The following BTF3 variants were observed in gnomAD, a reference collection of about 807,000 sequenced individuals.
BTF3 encodes transcription factor BTF3.
Under a neutral mutation model 23.9 loss-of-function variants are expected in BTF3, and 12 were observed. The observed-to-expected ratio is 0.50, with a 90% CI of 0.32 to 0.81. The LOEUF is 0.81. Among genes scored for constraint, BTF3 ranks in the 40% least tolerant of loss-of-function variants. The probability of loss-of-function intolerance (pLI) is 0.03; values close to 1 mark genes in which losing one functional copy is unlikely to be tolerated. For synonymous variants in BTF3, 96 were observed against 94.8 expected (o/e 1.01, Z -0.07); for missense variants, 215 against 255.9 (o/e 0.84, Z 1.09).
chr5:73,503,543 G>A (rs78914614), intron 4 of BTF3, among the ~76,000 whole-genome samples: 2,315 of 152,270 alleles, frequency 0.015, 46 homozygotes, highest in African/African-American at 0.051. Context: ...TAATTACAGT[G>A]TGATAGGGAT....
chr5:73,498,832 G>C, intron 1 of BTF3, 33 bp downstream of exon 1: 1 of 1,502,736 alleles, frequency 6.7e-7, no homozygotes, highest in African/African-American at 1.4e-5. Flanking sequence ...TGGCCGGGCC[G>C]GGCAGGCCCT....
chr5:73,503,523 C>G (rs1260694909), intron 4 of BTF3, among the ~76,000 whole-genome samples: 1 of 152,116 alleles, frequency 6.6e-6, no homozygotes, highest in East Asian at 1.9e-4. Flanking sequence ...TGCCAGTATT[C>G]TGGCATTTTT....
chr5:73,504,267 C>CTTTTTTTTTTTTTTTTTTTTTTTTTT lies in BTF3; in HGVS notation c.518-55_518-54insTTTTTTTTTTTTTTTTTTTTTTTTTT, dbSNP rs34051700. 5.6e-5 allele frequency: 7 copies of CTTTTTTTTTTTTTTTTTTTTTTTTTT among 125,372 alleles called. 2 individuals carry two copies. Among genetic ancestry groups the CTTTTTTTTTTTTTTTTTTTTTTTTTT allele is most frequent in the South Asian group, 2.2e-4 (2 of 9,042 alleles). The allele number at this position is 125,372 out of a possible 1,614,324, so 7.8% of individuals were successfully genotyped here. ...AACAACACTTGGCATTTCATCTGTT[C>CTTTTTTTTTTTTTTTTTTTTTTTTTT]TTTTTTTTTTTTTTTTTTTTTTTTT... is the stretch of plus-strand genomic sequence containing the variant. On this transcript the variant is annotated intron_variant, in intron 4 of 5. Coordinates refer to ENST00000380591, the MANE Select transcript of BTF3 (RefSeq NM_001037637.2).
chr5:73,502,461 TTTC>T, intron 2 of BTF3, 24 bp from the exon 3 acceptor site: 1 of 1,529,700 alleles, frequency 6.5e-7, no homozygotes, highest in Non-Finnish European at 8.9e-7. Flanking sequence ...AATGTGCTGT[TTTC>T]TTTCCTCTTC....
intron 2 of BTF3, 28 bp downstream of exon 2, chr5:73,499,230 G>GT (rs35216563): frequency 0.12 from 166,972 of 1,343,776 alleles, 9,284 homozygotes; most frequent in East Asian, 0.47. Context: ...GGGTTTGTGG[G>GT]TTTTTTTTTT....
intron 2 of BTF3, among the ~76,000 whole-genome samples, chr5:73,501,895 C>T (rs113815776): frequency 0.037 from 5,605 of 152,170 alleles, 138 homozygotes; most frequent in Middle Eastern, 0.12. Context: ...GGGTCAGGCG[C>T]GGTGGCTCAC....
chr5:73,498,683 G>GCA lies in BTF3; in HGVS notation c.18_19dup (p.Pro7HisfsTer40). 6.7e-7 allele frequency: 1 copy of GCA among 1,500,314 alleles called. No individual in the cohort carries two copies. The highest frequency in any genetic ancestry group is 8.8e-7 in the Non-Finnish European group (1 of 1,133,178). The allele number at this position is 1,500,314 out of a possible 1,614,324, so 92.9% of individuals were successfully genotyped here. The stretch of plus-strand genomic sequence containing the variant: ...GAGGAAGGCGATGCGACGGACAGGC[G>GCA]CACCCGCTCAGGCTGACTCTCGGGG... On this transcript the variant is annotated frameshift_variant, in exon 1 of 6. Coordinates refer to ENST00000380591, the MANE Select transcript of BTF3 (RefSeq NM_001037637.2). LOFTEE classifies it high-confidence loss of function.
intron 4 of BTF3, among the ~76,000 whole-genome samples, 173 bp from the exon 5 acceptor site, chr5:73,504,174 A>G (rs1746501792): frequency 6.6e-6 from 1 of 151,546 alleles, no homozygotes; most frequent in South Asian, 2.1e-4. Context: ...TGTAGACATT[A>G]GAATATCATG....
At position 73,503,056 on chromosome 5, in the gene BTF3, C is replaced by T; in HGVS notation, c.456C>T (p.Asn152=). Residue 152 remains asparagine (N), a synonymous_variant, in exon 4 of 6, where the codon AAC becomes AAT. Transcript: ENST00000380591. ...CAGAAATGCTACCCAGCATCTTAAACCAGCTTGGTGCGGATAGTCTGACTA... is the reference window on the plus strand; with the variant it reads ...CAGAAATGCTACCCAGCATCTTAAATCAGCTTGGTGCGGATAGTCTGACTA... ...QLTEMLPSIL[N]QLGADSLTSL... 1 of 1,614,050 alleles carries T rather than the reference C, an allele frequency of 6.2e-7. No homozygotes were observed. The highest frequency in any genetic ancestry group is 8.5e-7 in the Non-Finnish European group (1 of 1,179,960).
In BTF3 at chr5:73,502,469, C is replaced by T. The variant is rs374512117; in HGVS notation, c.202-19C>T. 1.9e-6 allele frequency: 3 copies of T among 1,555,364 alleles called. No homozygotes were observed. Among genetic ancestry groups the T allele is most frequent in the East Asian group, 2.2e-5 (1 of 44,482 alleles). ...TGGTATAAATGTGCTGTTTTCTTTC[C>T]TCTTCTCCCTGACTTTAGGGAACTG... On this transcript the variant is annotated intron_variant, in intron 2 of 5. Transcript: ENST00000380591.
chr5:73,498,743 G>A lies in BTF3; in HGVS notation c.76G>A (p.Glu26Lys). The A allele has an allele frequency of 1.3e-6, 2 of 1,492,534 alleles. No individual in the cohort carries two copies. Among genetic ancestry groups the A allele is most frequent in the Non-Finnish European group, 1.8e-6 (2 of 1,131,498 alleles). 92.5% of individuals were successfully genotyped at this position (1,492,534 alleles called of 1,614,324 possible). A position where few individuals can be genotyped will look rare whatever the true frequency, so the allele number is the denominator to read the frequency against. ...AGCCAGGGGCGGCTGCCCTGGGGGC[G>A]AGGCGACGCTGTCTCAACCTCCACC... is the stretch of plus-strand genomic sequence containing the variant. ...GRARGGCPGG[E>K]ATLSQPPPRG... The change falls in exon 1 of 6, where the codon GAG (glutamate) becomes AAG (lysine). Residue 26 changes from glutamate (E) to lysine (K), a missense_variant. Glu to Lys is a moderately conservative substitution (Grantham distance 56). Coordinates refer to ENST00000380591, the MANE Select transcript of BTF3 (RefSeq NM_001037637.2).
In BTF3 at chr5:73,499,145, A is replaced by G; in HGVS notation, c.144A>G (p.Thr48=). 1 of 1,609,134 alleles carries G rather than the reference A, an allele frequency of 6.2e-7. No homozygotes were observed. Among genetic ancestry groups the G allele is most frequent in the Non-Finnish European group, 8.5e-7 (1 of 1,178,962 alleles). ...TCCTCTTTTTCTAGATGAAAGAAAC[A>G]ATCATGAACCAGGAAAAACTCGCCA... The part of the protein sequence containing the change: ...TRGQEPQMKE[T]IMNQEKLAKL... Residue 48 remains threonine (T), a synonymous_variant, in exon 2 of 6, where the codon ACA becomes ACG. Transcript: ENST00000380591.
intron 2 of BTF3, among the ~76,000 whole-genome samples, chr5:73,500,305 T>TCTCA (rs1746404946): frequency 6.6e-6 from 1 of 152,196 alleles, no homozygotes; most frequent in African/African-American, 2.4e-5. Context: ...ATTTTTTGTG[T>TCTCA]CTCAGTGTTT....
rs752955577 is a variant in BTF3, at chr5:73,498,690, C to T, written c.23C>T (p.Ala8Val). ...GCGATGCGACGGACAGGCGCACCCG[C>T]TCAGGCTGACTCTCGGGGGCGAGGT... is the stretch of plus-strand genomic sequence containing the variant. MRRTGAP[A>V]QADSRGRGRA... Residue 8 changes from alanine (A) to valine (V), a missense_variant, in exon 1 of 6, where the codon GCT becomes GTT. By Grantham distance (64) the Ala-to-Val change is moderately conservative. Coordinates refer to ENST00000380591, the MANE Select transcript of BTF3 (RefSeq NM_001037637.2). 3.3e-6 allele frequency: 5 copies of T among 1,498,680 alleles called. No homozygotes were observed. Among genetic ancestry groups the T allele is most frequent in the East Asian group, 5.3e-5 (2 of 37,708 alleles). 92.8% of individuals were successfully genotyped at this position (1,498,680 alleles called of 1,614,324 possible).
rs961437822 is a variant in BTF3 at position 73,505,229 on chromosome 5, G to A, written c.612G>A (p.Glu204=). ...VENFDEASKN[E]AN Reference sequence around the variant, plus strand: ...ATTTTGATGAGGCTTCCAAGAATGAGGCAAACTGAATTGAGTCAACTTCTG... The same window carrying A: ...ATTTTGATGAGGCTTCCAAGAATGAAGCAAACTGAATTGAGTCAACTTCTG... The change falls in exon 6 of 6, where the codon GAG becomes GAA. Residue 204 remains glutamate, a synonymous_variant. Transcript: ENST00000380591. 1.2e-6 allele frequency: 2 copies of A among 1,609,126 alleles called. No homozygotes were observed. The highest frequency in any genetic ancestry group is 1.3e-5 in the African/African-American group (1 of 74,860).
Position 73,502,961 on chromosome 5 carries a change from C to G in BTF3, c.361C>G (p.Pro121Ala), listed in dbSNP as rs1746473871. The G allele has an allele frequency of 6.2e-7, 1 of 1,612,938 alleles. No homozygotes were observed. The highest frequency in any genetic ancestry group is 1.1e-5 in the South Asian group (1 of 91,000). The change falls in exon 4 of 6, where the codon CCT becomes GCT. Residue 121 changes from proline (P) to alanine (A), a missense_variant. Physicochemically the swap from Pro to Ala is conservative, Grantham distance 27. Transcript: ENST00000380591. ...NQGTVIHFNN[P>A]KVQASLAANT... is the part of the protein sequence containing the mutation. ...AGGAACAGTGATCCACTTTAACAAC[C>G]CTAAAGTTCAGGCATCTCTGGCAGC...
intron 1 of BTF3, 65 bp downstream of exon 1, chr5:73,498,864 G>A: frequency 6.7e-7 from 1 of 1,491,520 alleles, no homozygotes; most frequent in Non-Finnish European, 8.8e-7. Flanking sequence ...GGCCAGGCCA[G>A]GGCCAGGGGT....
In BTF3 at chr5:73,498,798, A is replaced by G; in HGVS notation, c.131A>G (p.Gln44Arg). ...PRGGTRGQEP[Q>R]MKETIMNQEK... is the part of the protein sequence containing the mutation. Reference sequence around the variant, plus strand: ...GGCGGAACCCGAGGACAGGAGCCTCAGGTACCGCGAGGCTTGCGGAGAGTG... The same window carrying G: ...GGCGGAACCCGAGGACAGGAGCCTCGGGTACCGCGAGGCTTGCGGAGAGTG... Residue 44 changes from glutamine to arginine, a missense_variant and splice_region_variant, in exon 1 of 6, where the codon CAG becomes CGG. By Grantham distance (43) the Gln-to-Arg change is conservative. Around this residue, in one of 2 missense-constraint regions of BTF3, gnomAD observed 116 missense variants for 84.7 expected, o/e 1.37. Coordinates refer to ENST00000380591, the MANE Select transcript of BTF3 (RefSeq NM_001037637.2). 2 of 1,505,812 alleles carry G rather than the reference A, an allele frequency of 1.3e-6. No homozygotes were observed. The highest frequency in any genetic ancestry group is 1.8e-6 in the Non-Finnish European group (2 of 1,136,720). 93.3% of individuals were successfully genotyped at this position (1,505,812 alleles called of 1,614,324 possible).
chr5:73,501,330 C>G (rs1402163372), intron 2 of BTF3, among the ~76,000 whole-genome samples: 5 of 152,120 alleles, frequency 3.3e-5, no homozygotes, highest in African/African-American at 1.2e-4. Context: ...GAGCTAGATA[C>G]TGTTGTAGAT....
Sources: gnomAD v4.1 joint callset for allele counts (sites outside exome capture counted in the v4.1 genomes callset) on GRCh38, gnomAD v4.1.1 for gene constraint, gnomAD v4.1.1 regional missense constraint, MANE v1.5 for transcripts, NCBI Gene and HGNC (gene_info 2026-07-23, HGNC 2026-07-21) for gene names.